Variants in TMPRSS15 observed in about 807,000 individuals in gnomAD.
TMPRSS15 encodes the protein enteropeptidase.
In TMPRSS15, 128 loss-of-function variants were observed where a neutral mutation model predicts 125.3. The observed-to-expected ratio is 1.02, with a 90% confidence interval of 0.89 to 1.18. The LOEUF is 1.18. TMPRSS15 is among the 50% of genes most tolerant of loss of function. The pLI, the probability that TMPRSS15 is intolerant of heterozygous loss-of-function variation, is 0.00. For missense variants in TMPRSS15, 1,283 were observed against 1,212.7 expected, an observed-to-expected ratio of 1.06 and a Z score of -0.86; for synonymous variants, 446 against 423.2, an observed-to-expected ratio of 1.05 and a Z score of -0.66.
chr21:18,275,054 C>G, intron 24 of TMPRSS15, 143 bp downstream of exon 24: 1 of 1,107,690 alleles, frequency 9.0e-7, no homozygotes, highest in South Asian at 1.3e-5. Flanking sequence ...AAGAGGATTA[C>G]GCAAATAGGC....
chr21:18,481,625 A>G (rs1481284460), intron 1 of TMPRSS15, among the ~76,000 whole-genome samples: 2 of 151,756 alleles, frequency 1.3e-5, no homozygotes, highest in African/African-American at 2.4e-5. Flanking sequence ...GAGATAAACA[A>G]AAAATCCAAG....
intron 23 of TMPRSS15, among the ~76,000 whole-genome samples, chr21:18,276,166 C>T (rs574741285): frequency 9.9e-5 from 15 of 152,242 alleles, no homozygotes; most frequent in Middle Eastern, 3.4e-3. Context: ...AATTCATGCA[C>T]TAAAAAGATG....
At chr21:18,295,347 T>A (rs1341098119) in intron 19 of TMPRSS15, among the ~76,000 whole-genome samples, 1 of 152,236 alleles carries the variant, frequency 6.6e-6, no homozygotes, top group Admixed American at 6.5e-5. Flanking sequence ...ATTATACTTA[T>A]CAGCCACTAG....
At chr21:18,363,639 G>C (rs997285202) in intron 7 of TMPRSS15, among the ~76,000 whole-genome samples, 2 of 152,048 alleles carry the variant, frequency 1.3e-5, no homozygotes, top group African/African-American at 4.8e-5. Context: ...ATAAGTGCTA[G>C]AGTTAATATT....
chr21:18,345,614 G>A (rs1329236018), intron 10 of TMPRSS15, among the ~76,000 whole-genome samples: 1 of 147,106 alleles, frequency 6.8e-6, no homozygotes, highest in African/African-American at 2.5e-5. Flanking sequence ...GGTGGCGGGC[G>A]CCTGTAGTCC....
chr21:18,442,121 A>G (rs1411767250), intron 1 of TMPRSS15, among the ~76,000 whole-genome samples: 2 of 152,100 alleles, frequency 1.3e-5, no homozygotes, highest in Non-Finnish European at 2.9e-5. Flanking sequence ...TAAAATTCCT[A>G]TCTTTCCAAT....
At chr21:18,334,960 A>G (rs2075377856) in intron 13 of TMPRSS15, among the ~76,000 whole-genome samples, 1 of 152,222 alleles carries the variant, frequency 6.6e-6, no homozygotes, top group Admixed American at 6.5e-5. Context: ...GAGAGTGTAC[A>G]TGGGGTGCCG....
chr21:18,313,089 G>C lies in TMPRSS15; in HGVS notation c.2033-12C>G. 1 of 1,594,560 alleles carries C rather than the reference G, an allele frequency of 6.3e-7. No homozygotes were observed. The highest frequency in any genetic ancestry group is 8.6e-7 in the Non-Finnish European group (1 of 1,162,294). On this transcript the variant is annotated splice_polypyrimidine_tract_variant and intron_variant, in intron 17 of 24. Coordinates refer to ENST00000284885, the MANE Select transcript of TMPRSS15 (RefSeq NM_002772.3). ...ATTGAAAAAACGCACTAAAGACACA[G>C]AGAGCATAATGGTAGTTACCAGAGA...
intron 3 of TMPRSS15, among the ~76,000 whole-genome samples, chr21:18,394,120 G>A (rs1485975459): frequency 6.6e-6 from 1 of 152,018 alleles, no homozygotes; most frequent in Non-Finnish European, 1.5e-5. Flanking sequence ...CCTATTTTTT[G>A]AAGTACTCTT....
At chr21:18,373,993 A>G (rs1440670496) in intron 5 of TMPRSS15, among the ~76,000 whole-genome samples, 1 of 152,168 alleles carries the variant, frequency 6.6e-6, no homozygotes, top group Admixed American at 6.5e-5. Context: ...TTTATGTACA[A>G]ATTATATTTT....
At chr21:18,379,258 TAATA>T (rs2123039568) in intron 5 of TMPRSS15, 21 bp downstream of exon 5, 1 of 1,220,916 alleles carries the variant, frequency 8.2e-7, no homozygotes, top group East Asian at 2.9e-5. Context: ...TTTCAAAAAA[TAATA>T]ATAATATTAT....
At chr21:18,479,430 A>C (rs1242557793) in intron 1 of TMPRSS15, among the ~76,000 whole-genome samples, 1 of 151,918 alleles carries the variant, frequency 6.6e-6, no homozygotes, top group Non-Finnish European at 1.5e-5. Flanking sequence ...TTTACTACCT[A>C]ACTGGGCATC....
At chr21:18,357,707 C>A (rs2075639469) in intron 8 of TMPRSS15, among the ~76,000 whole-genome samples, 1 of 151,636 alleles carries the variant, frequency 6.6e-6, no homozygotes, top group Non-Finnish European at 1.5e-5. Flanking sequence ...ATTAACTTTA[C>A]ACTTATGGGA....
chr21:18,387,058 A>G (rs1222628172), intron 3 of TMPRSS15, among the ~76,000 whole-genome samples: 2 of 152,204 alleles, frequency 1.3e-5, no homozygotes, highest in Admixed American at 6.5e-5. Flanking sequence ...CTATATCCAC[A>G]TAAAGTTGTA....
At chr21:18,471,073 AC>A (rs778608170) in intron 1 of TMPRSS15, among the ~76,000 whole-genome samples, 10 of 152,082 alleles carry the variant, frequency 6.6e-5, no homozygotes, top group Admixed American at 1.3e-4. Context: ...ATACTGTGAA[AC>A]AAAACTCCAA....
chr21:18,426,386 C>T (rs956341335), intron 1 of TMPRSS15, among the ~76,000 whole-genome samples: 3 of 152,142 alleles, frequency 2.0e-5, no homozygotes, highest in African/African-American at 7.2e-5. Flanking sequence ...ACGTAAAATA[C>T]TGTGATATGT....
chr21:18,435,269 T>G (rs1026816360), intron 1 of TMPRSS15, among the ~76,000 whole-genome samples: 29 of 152,204 alleles, frequency 1.9e-4, no homozygotes, highest in Non-Finnish European at 2.5e-4. Flanking sequence ...CTGTGGGTTT[T>G]TCATAGATAG....
At chr21:18,433,768 G>T (rs2076222002) in intron 1 of TMPRSS15, among the ~76,000 whole-genome samples, 1 of 150,956 alleles carries the variant, frequency 6.6e-6, no homozygotes, top group Non-Finnish European at 1.5e-5. Flanking sequence ...ATACCTTCTA[G>T]CTGTTATTAT....
chr21:18,410,276 G>T (rs894944726), intron 1 of TMPRSS15, among the ~76,000 whole-genome samples: 7 of 151,900 alleles, frequency 4.6e-5, no homozygotes, highest in African/African-American at 1.5e-4. Context: ...TTGTACTAAT[G>T]TGAGGTTTAT....
Sources: gnomAD v4.1 joint callset for allele counts (sites outside exome capture counted in the v4.1 genomes callset) on GRCh38, gnomAD v4.1.1 for gene constraint, MANE v1.5 for transcripts, NCBI Gene and HGNC (gene_info 2026-07-23, HGNC 2026-07-21) for gene names.